The following DLGAP2 variants were observed in gnomAD, a reference collection of about 807,000 sequenced individuals.
DLGAP2 encodes the protein DLG associated protein 2, also known as disks large-associated protein 2.
A neutral mutation model predicts 100.3 loss-of-function variants in DLGAP2; 26 were observed. The ratio of observed to expected loss-of-function variants is 0.26; its 90% CI spans 0.19 to 0.36. The LOEUF (loss-of-function observed/expected upper bound fraction) is 0.36. Among genes scored for constraint, DLGAP2 ranks in the 10% least tolerant of loss-of-function variants. The pLI, the probability that DLGAP2 is intolerant of heterozygous loss-of-function variation, is 1.00. For missense variants in DLGAP2, 1,858 were observed against 1,453.2 expected (o/e 1.28, Z -4.53); for synonymous variants, 886 against 630.1 (o/e 1.41, Z -6.08).
At chr8:1,243,855 T>A (rs1194646869) in intron 2 of DLGAP2, among the ~76,000 whole-genome samples, 1 of 152,200 alleles carries the variant, frequency 6.6e-6, no homozygotes, top group East Asian at 1.9e-4. Flanking sequence ...GGCCCCTGAG[T>A]AACCTCACTA....
At chr8:900,684 A>C (rs1013239732) in intron 1 of DLGAP2, among the ~76,000 whole-genome samples, 17 of 152,282 alleles carry the variant, frequency 1.1e-4, no homozygotes, top group African/African-American at 3.9e-4. Context: ...ATCCATCACC[A>C]GGAGGCGGCT....
At chr8:775,349 C>T (rs1022503523) in intron 1 of DLGAP2, among the ~76,000 whole-genome samples, 21 of 151,178 alleles carry the variant, frequency 1.4e-4, no homozygotes, top group Non-Finnish European at 2.8e-4. Flanking sequence ...ATTTCCTTCT[C>T]CTGCCTAATT....
At chr8:1,655,137 T>A (rs1319549272) in intron 8 of DLGAP2, among the ~76,000 whole-genome samples, 1 of 152,232 alleles carries the variant, frequency 6.6e-6, no homozygotes, top group Non-Finnish European at 1.5e-5. Context: ...GCCCCAGAAC[T>A]TGTGGGACCC....
intron 1 of DLGAP2, among the ~76,000 whole-genome samples, chr8:842,254 C>T (rs1201099004): frequency 2.0e-5 from 3 of 152,168 alleles, no homozygotes; most frequent in African/African-American, 7.2e-5. Context: ...TTCATGGGAA[C>T]AATACTCCTT....
intron 2 of DLGAP2, among the ~76,000 whole-genome samples, chr8:1,188,316 C>T (rs568604555): frequency 5.6e-5 from 7 of 124,340 alleles, no homozygotes; most frequent in South Asian, 2.6e-4. Context: ...CCGGGACTTC[C>T]GTGACGTTTC....
chr8:1,517,500 C>T (rs541404238), intron 4 of DLGAP2, among the ~76,000 whole-genome samples: 15 of 152,258 alleles, frequency 9.9e-5, no homozygotes, highest in South Asian at 8.3e-4. Flanking sequence ...TTTCCTCCAC[C>T]GAGCTGTGCA....
chr8:806,548 A>G (rs1796273715), intron 1 of DLGAP2, among the ~76,000 whole-genome samples: 1 of 152,140 alleles, frequency 6.6e-6, no homozygotes, highest in Non-Finnish European at 1.5e-5. Flanking sequence ...CTGCAGAGAG[A>G]GTCGATAGGT....
At chr8:1,218,374 A>T (rs149194798) in intron 2 of DLGAP2, among the ~76,000 whole-genome samples, 1 of 151,944 alleles carries the variant, frequency 6.6e-6, no homozygotes, top group Non-Finnish European at 1.5e-5. Context: ...GTTATTGTCA[A>T]CTTTGTCAAA....
At chr8:837,193 G>A (rs562111843) in intron 1 of DLGAP2, among the ~76,000 whole-genome samples, 3 of 152,174 alleles carry the variant, frequency 2.0e-5, no homozygotes, top group South Asian at 2.1e-4. Context: ...CTCAGGCCTC[G>A]GGATCTCGCG....
At chr8:1,139,136 C>T (rs575981335) in intron 2 of DLGAP2, among the ~76,000 whole-genome samples, 42 of 152,284 alleles carry the variant, frequency 2.8e-4, no homozygotes, top group Admixed American at 2.3e-3. Flanking sequence ...CCGGCCGCTG[C>T]GGCCTGGCTG....
intron 3 of DLGAP2, among the ~76,000 whole-genome samples, chr8:1,281,349 G>T (rs1427297461): frequency 1.3e-5 from 2 of 152,184 alleles, no homozygotes; most frequent in Non-Finnish European, 2.9e-5. Flanking sequence ...GCAGCCTCTT[G>T]GTGGCTTTCC....
chr8:1,621,756 G>A (rs1797344531), intron 6 of DLGAP2: 1 of 152,126 alleles, frequency 6.6e-6, no homozygotes, highest in Non-Finnish European at 1.5e-5. Context: ...CCGAGCCTCT[G>A]CGGTCAAGGG....
chr8:1,265,557 C>T (rs568111502), intron 3 of DLGAP2, among the ~76,000 whole-genome samples: 1 of 152,252 alleles, frequency 6.6e-6, no homozygotes, highest in Admixed American at 6.5e-5. Context: ...AAGTAAAGGC[C>T]AAGATTTTCC....
chr8:833,979 G>A (rs926856459), intron 1 of DLGAP2, among the ~76,000 whole-genome samples: 1 of 152,176 alleles, frequency 6.6e-6, no homozygotes, highest in Non-Finnish European at 1.5e-5. Context: ...CTTTTCATTG[G>A]TGCAGTGGGC....
At chr8:1,627,019 G>A (rs868521881) in intron 7 of DLGAP2, 132 bp downstream of exon 7, 264 of 1,140,684 alleles carry the variant, frequency 2.3e-4, no homozygotes, top group Middle Eastern at 1.1e-3. Flanking sequence ...TACACCAAAG[G>A]GGGTTCCCCT....
intron 13 of DLGAP2, among the ~76,000 whole-genome samples, chr8:1,695,924 T>C (rs1305817759): frequency 1.3e-5 from 2 of 152,190 alleles, no homozygotes; most frequent in Non-Finnish European, 2.9e-5. Context: ...GGGGAGCTCC[T>C]CAAGTGCCTG....
At chr8:912,307 T>G (rs1798501042) in intron 2 of DLGAP2, among the ~76,000 whole-genome samples, 2 of 152,202 alleles carry the variant, frequency 1.3e-5, no homozygotes, top group Admixed American at 1.3e-4. Context: ...AGGTTATGTA[T>G]AAAAGTTGGG....
chr8:1,165,360 C>T (rs141491556), intron 2 of DLGAP2, among the ~76,000 whole-genome samples: 465 of 152,268 alleles, frequency 3.1e-3, no homozygotes, highest in Non-Finnish European at 5.4e-3. Flanking sequence ...GACCATCGGC[C>T]GTTGGCTACC....
intron 3 of DLGAP2, among the ~76,000 whole-genome samples, chr8:1,490,293 C>A (rs962169642): frequency 6.6e-6 from 1 of 152,218 alleles, no homozygotes; most frequent in Admixed American, 6.5e-5. Flanking sequence ...GTGATTGCTC[C>A]TGCCACATCG....
Sources: allele counts gnomAD v4.1 joint callset (sites outside exome capture counted in the v4.1 genomes callset), GRCh38; gene constraint gnomAD v4.1.1; transcripts MANE v1.5; gene names NCBI Gene and HGNC (gene_info 2026-07-23, HGNC 2026-07-21).